KCNMA1: variants seen among roughly 807,000 people sequenced by gnomAD.
KCNMA1 encodes the protein potassium calcium-activated channel subfamily M alpha 1, also known as Calcium-activated potassium channel subunit alpha-1.
A neutral mutation model predicts 140.0 loss-of-function variants in KCNMA1; 29 were observed. The ratio of observed to expected loss-of-function variants is 0.21; its 90% confidence interval spans 0.15 to 0.28. The LOEUF is 0.28. Ranked by LOEUF, KCNMA1 falls within the 10% of genes least tolerant of loss-of-function variation. KCNMA1 has a pLI of 1.00. For synonymous variants in KCNMA1, 612 were observed against 611.9 expected (o/e 1.00, Z 0.00); for missense variants, 880 against 1,602.2 (o/e 0.55, Z 7.70).
intron 25 of KCNMA1, chr10:76,903,112 GC>G (rs2046271870): frequency 1.3e-5 from 2 of 152,248 alleles, no homozygotes; most frequent in Admixed American, 1.3e-4. Context: ...GGAAACCTGA[GC>G]CCACAGCGCC....
chr10:77,402,872 C>A (rs1655626237), intron 2 of KCNMA1, among the ~76,000 whole-genome samples: 1 of 152,130 alleles, frequency 6.6e-6, no homozygotes. Flanking sequence ...ACAGGTGGCC[C>A]AAACAAAACA....
intron 18 of KCNMA1, 66 bp downstream of exon 18, chr10:77,011,901 G>A (rs1593553381): frequency 7.3e-7 from 1 of 1,361,426 alleles, no homozygotes; most frequent in East Asian, 2.3e-5. Flanking sequence ...TAAGAAAAGG[G>A]AAGGAAAAGG....
intron 19 of KCNMA1, among the ~76,000 whole-genome samples, chr10:76,976,988 T>A (rs938053910): frequency 1.3e-5 from 2 of 152,154 alleles, no homozygotes; most frequent in African/African-American, 4.8e-5. Context: ...TGGGAGATAA[T>A]TTTTACTTTA....
chr10:76,990,577 T>C (rs1394469918), intron 19 of KCNMA1, among the ~76,000 whole-genome samples: 4 of 152,226 alleles, frequency 2.6e-5, no homozygotes, highest in African/African-American at 9.6e-5. Flanking sequence ...CCCTGTGACA[T>C]GACCTGAGCC....
intron 2 of KCNMA1, among the ~76,000 whole-genome samples, chr10:77,367,996 C>T (rs1429879742): frequency 6.6e-6 from 1 of 152,164 alleles, no homozygotes; most frequent in Non-Finnish European, 1.5e-5. Flanking sequence ...AGAGATGCTA[C>T]AAACATGTAT....
In KCNMA1 at chr10:77,197,413, C is replaced by T. The variant is rs141480318; in HGVS notation, c.603-12497G>A. Among the ~76,000 whole-genome samples the T allele has an allele frequency of 2.1e-3, 319 of 152,200 alleles. 1 individual carries two copies. The highest frequency in any genetic ancestry group is 7.3e-3 in the African/African-American group (302 of 41,522). On this transcript the variant is annotated intron_variant, in intron 3 of 27. Transcript: ENST00000286628. ...GTAGGTTGTTACTTGGAAAACTGGTCCTAGCTTCTAATTATTTGTCATTAG... is the reference window on the plus strand; with the variant it reads ...GTAGGTTGTTACTTGGAAAACTGGTTCTAGCTTCTAATTATTTGTCATTAG...
At chr10:77,439,147 GAA>G (rs72270015) in intron 1 of KCNMA1, among the ~76,000 whole-genome samples, 6,114 of 105,210 alleles carry the variant, frequency 0.058, 158 homozygotes, top group Middle Eastern at 0.14. Flanking sequence ...GAAGAGAAGA[GAA>G]AAGAGAAGAG....
intron 19 of KCNMA1, among the ~76,000 whole-genome samples, chr10:76,975,629 A>C (rs2153214126): frequency 6.6e-6 from 1 of 152,320 alleles, no homozygotes; most frequent in Middle Eastern, 3.4e-3. Context: ...AATGGAGCCA[A>C]GTTCTACGCC....
rs865858954 is a variant in KCNMA1 at position 77,392,650 on chromosome 10, G to A, written c.540+11212C>T. The stretch of plus-strand genomic sequence containing the variant: ...GAGCAGGTGCTCCAGAATGTTTGAA[G>A]GAATGGATGAAGGGATGGAGGAATA... On this transcript the variant is annotated intron_variant, in intron 2 of 27. Transcript: ENST00000286628. Among the ~76,000 whole-genome samples the A allele has an allele frequency of 4.6e-5, 7 of 152,340 alleles. No individual in the cohort carries two copies. The South Asian group carries it at 1.4e-3, about 32-fold the overall frequency.
At chr10:77,200,420 G>T (rs1012908481) in intron 3 of KCNMA1, among the ~76,000 whole-genome samples, 9 of 152,182 alleles carry the variant, frequency 5.9e-5, no homozygotes, top group Admixed American at 2.6e-4. Context: ...ACTAAGATGA[G>T]CATCATTGTT....
intron 17 of KCNMA1, among the ~76,000 whole-genome samples, chr10:77,014,433 C>CA (rs35030342): frequency 0.02 from 1,743 of 87,898 alleles, 48 homozygotes; most frequent in East Asian, 0.16. Flanking sequence ...GACATTGTCT[C>CA]AAAAAAAAAA....
At chr10:77,420,716 C>T (rs143999166) in intron 1 of KCNMA1, among the ~76,000 whole-genome samples, 233 of 152,210 alleles carry the variant, frequency 1.5e-3, no homozygotes, top group African/African-American at 4.9e-3. Flanking sequence ...GAGCACAGAC[C>T]CAGTAACCAG....
At chr10:77,467,008 A>C (rs2098035735) in intron 1 of KCNMA1, among the ~76,000 whole-genome samples, 1 of 152,060 alleles carries the variant, frequency 6.6e-6, no homozygotes, top group South Asian at 2.1e-4. Flanking sequence ...AGAAAGCCAG[A>C]CCCCTGTGCT....
At chr10:77,338,570 G>C (rs545614659) in intron 2 of KCNMA1, among the ~76,000 whole-genome samples, 7 of 152,212 alleles carry the variant, frequency 4.6e-5, no homozygotes, top group African/African-American at 1.7e-4. Context: ...GCAGAGCTCA[G>C]TTCACACCCC....
chr10:77,213,383 C>T (rs777365871), intron 3 of KCNMA1, among the ~76,000 whole-genome samples: 3 of 152,144 alleles, frequency 2.0e-5, no homozygotes, highest in Non-Finnish European at 4.4e-5. Context: ...GGAAGGTCCT[C>T]ATGAGGGCAG....
At chr10:77,578,758 G>A (rs1259633107) in intron 1 of KCNMA1, among the ~76,000 whole-genome samples, 1 of 152,156 alleles carries the variant, frequency 6.6e-6, no homozygotes, top group Non-Finnish European at 1.5e-5. Flanking sequence ...AAATCCACCT[G>A]CCACCACTTC....
intron 3 of KCNMA1, among the ~76,000 whole-genome samples, chr10:77,222,727 C>A (rs1052007451): frequency 6.6e-6 from 1 of 152,164 alleles, no homozygotes; most frequent in Non-Finnish European, 1.5e-5. Context: ...CCAAGAGGAC[C>A]CCACCTTTGC....
At chr10:76,879,054 A>G (rs988598138) in intron 29 of KCNMA1, among the ~76,000 whole-genome samples, 2 of 152,124 alleles carry the variant, frequency 1.3e-5, no homozygotes, top group Non-Finnish European at 2.9e-5. Flanking sequence ...GTGGTCCTGA[A>G]TGGACACATT....
intron 2 of KCNMA1, among the ~76,000 whole-genome samples, chr10:77,320,082 A>G (rs2081957067): frequency 1.3e-5 from 2 of 152,016 alleles, no homozygotes; most frequent in Admixed American, 1.3e-4. Flanking sequence ...CACAATCTAC[A>G]CTCTGTGGAT....
Sources: allele counts gnomAD v4.1 joint callset (sites outside exome capture counted in the v4.1 genomes callset), GRCh38; gene constraint gnomAD v4.1.1; transcripts MANE v1.5; gene names NCBI Gene and HGNC (gene_info 2026-07-23, HGNC 2026-07-21).